The following KSR2 variants were observed in gnomAD, a reference collection of about 807,000 sequenced individuals.
The protein encoded by KSR2 is kinase suppressor of ras 2.
KSR2 carries 25 observed loss-of-function variants against 107.8 expected under a neutral mutation model. That is an observed-to-expected ratio of 0.23 (90% CI 0.17 to 0.32). The LOEUF (loss-of-function observed/expected upper bound fraction) is 0.32, where lower values mean the gene tolerates loss of function less well. KSR2 is among the 10% of genes least tolerant of loss of function. The pLI, the probability that KSR2 is intolerant of heterozygous loss-of-function variation, is 1.00. For synonymous variants in KSR2, 480 were observed against 507.0 expected (o/e 0.95, Z 0.71); for missense variants, 887 against 1,268.9 (o/e 0.70, Z 4.57).
Position 117,455,028 on chromosome 12 carries a change from GAC to G in KSR2, c.*12169_*12170del, listed in dbSNP as rs1356695317. ...AGAGACAGAGACAGACACAGAGACAGACAGACAGAGAGAGAGAGAGAGAGAGA... is the reference window on the plus strand; with the variant it reads ...AGAGACAGAGACAGACACAGAGACAGAGACAGAGAGAGAGAGAGAGAGAGA... On this transcript the variant is annotated 3_prime_UTR_variant, in exon 20 of 20. Transcript: ENST00000339824. 48 of 114,026 alleles carry G rather than the reference GAC, an allele frequency of 4.2e-4. No individual in the cohort carries two copies. Among genetic ancestry groups the G allele is most frequent in the African/African-American group, 1.4e-3 (44 of 30,546 alleles). 7.1% of individuals were successfully genotyped at this position (114,026 alleles called of 1,614,324 possible).
At chr12:117,591,477 G>A (rs913773329) in intron 5 of KSR2, among the ~76,000 whole-genome samples, 5 of 152,106 alleles carry the variant, frequency 3.3e-5, no homozygotes, top group Non-Finnish European at 7.3e-5. Context: ...TGGTGGTGGT[G>A]ACGGATGAGA....
At chr12:117,759,778 G>C (rs552155319) in intron 4 of KSR2, among the ~76,000 whole-genome samples, 1 of 152,208 alleles carries the variant, frequency 6.6e-6, no homozygotes, top group Non-Finnish European at 1.5e-5. Flanking sequence ...TTAGCATGCT[G>C]TCTTCAAGGT....
At chr12:117,930,137 G>A (rs888097337) in intron 1 of KSR2, among the ~76,000 whole-genome samples, 18 of 151,922 alleles carry the variant, frequency 1.2e-4, no homozygotes, top group African/African-American at 4.1e-4. Flanking sequence ...AGCTTCAAGC[G>A]ATTCTTGTGC....
intron 7 of KSR2, among the ~76,000 whole-genome samples, chr12:117,570,664 A>C (rs16947737): frequency 0.01 from 1,541 of 152,352 alleles, 15 homozygotes; most frequent in African/African-American, 0.03. Context: ...GCAACGAAAT[A>C]AATGCTGAAC....
At chr12:117,930,784 C>T (rs1202400426) in intron 1 of KSR2, among the ~76,000 whole-genome samples, 9 of 152,016 alleles carry the variant, frequency 5.9e-5, no homozygotes, top group African/African-American at 2.2e-4. Flanking sequence ...CGTGGTGGCA[C>T]GTGCCTGTAG....
At chr12:117,546,773 A>G (rs1876899318) in intron 9 of KSR2, among the ~76,000 whole-genome samples, 1 of 152,134 alleles carries the variant, frequency 6.6e-6, no homozygotes, top group African/African-American at 2.4e-5. Context: ...TGAATTTTTT[A>G]TCTGGTTATT....
chr12:117,529,766 G>T (rs1875479813), intron 12 of KSR2, among the ~76,000 whole-genome samples: 1 of 152,072 alleles, frequency 6.6e-6, no homozygotes, highest in Admixed American at 6.5e-5. Flanking sequence ...ACTTTGGGAG[G>T]CTGAGGTGGA....
At chr12:117,736,119 G>A (rs1887927302) in intron 4 of KSR2, among the ~76,000 whole-genome samples, 1 of 152,154 alleles carries the variant, frequency 6.6e-6, no homozygotes, top group Non-Finnish European at 1.5e-5. Flanking sequence ...GTCAAAATAA[G>A]TACTGAAATT....
chr12:117,503,471 C>T (rs1873502162), intron 14 of KSR2, among the ~76,000 whole-genome samples: 2 of 152,130 alleles, frequency 1.3e-5, no homozygotes, highest in African/African-American at 4.8e-5. Context: ...TGCTCAATCC[C>T]CACTTTCTTT....
intron 4 of KSR2, among the ~76,000 whole-genome samples, chr12:117,687,356 G>C (rs1011863067): frequency 2.0e-5 from 3 of 152,168 alleles, no homozygotes; most frequent in African/African-American, 7.2e-5. Context: ...AGGAAACAAA[G>C]TCTGAATCTC....
At chr12:117,527,950 AGTGTGTGTGTGT>A (rs10664320) in intron 12 of KSR2, among the ~76,000 whole-genome samples, 1,635 of 142,644 alleles carry the variant, frequency 0.011, 19 homozygotes, top group East Asian at 0.046. Context: ...GGAAGACACA[AGTGTGTGTGTGT>A]GTGTGTGTGT....
chr12:117,967,568 A>G (rs889273755), intron 1 of KSR2, among the ~76,000 whole-genome samples: 1 of 151,834 alleles, frequency 6.6e-6, no homozygotes, highest in African/African-American at 2.4e-5. Context: ...GAGGGAGGGG[A>G]AGAAGGCCAA....
At chr12:117,841,943 T>C (rs186476765) in intron 3 of KSR2, among the ~76,000 whole-genome samples, 262 of 152,390 alleles carry the variant, frequency 1.7e-3, no homozygotes, top group African/African-American at 6.1e-3. Context: ...GCTGCTGTTA[T>C]CATCAACCAC....
chr12:117,587,136 T>C (rs1880052634), intron 5 of KSR2, among the ~76,000 whole-genome samples: 1 of 152,140 alleles, frequency 6.6e-6, no homozygotes, highest in Admixed American at 6.5e-5. Flanking sequence ...AGTGATGTAA[T>C]AGCATAATGC....
At chr12:117,916,870 C>T (rs1376448290) in intron 1 of KSR2, among the ~76,000 whole-genome samples, 2 of 152,172 alleles carry the variant, frequency 1.3e-5, no homozygotes, top group Non-Finnish European at 2.9e-5. Flanking sequence ...ACTGGTTTTG[C>T]AAAATAGATC....
chr12:117,868,930 C>G (rs1013694588), intron 1 of KSR2, among the ~76,000 whole-genome samples: 1 of 151,780 alleles, frequency 6.6e-6, no homozygotes, highest in African/African-American at 2.4e-5. Flanking sequence ...TTTGTATTTT[C>G]AGTAGAGATG....
intron 1 of KSR2, among the ~76,000 whole-genome samples, chr12:117,885,596 A>T (rs1359318385): frequency 6.6e-6 from 1 of 151,452 alleles, no homozygotes; most frequent in Non-Finnish European, 1.5e-5. Context: ...GTGCATGCTT[A>T]TATACCTATA....
intron 3 of KSR2, among the ~76,000 whole-genome samples, chr12:117,771,832 C>A (rs1278143385): frequency 2.6e-5 from 4 of 151,984 alleles, no homozygotes; most frequent in Non-Finnish European, 5.9e-5. Flanking sequence ...GCCTACAGTT[C>A]CCCCAAAGAC....
chr12:117,506,172 A>G (rs1873663929), intron 14 of KSR2, among the ~76,000 whole-genome samples: 1 of 152,216 alleles, frequency 6.6e-6, no homozygotes, highest in African/African-American at 2.4e-5. Context: ...ACCACTAAGA[A>G]AGAATCTTCA....
Sources: allele counts gnomAD v4.1 joint callset (sites outside exome capture counted in the v4.1 genomes callset), GRCh38; gene constraint gnomAD v4.1.1; transcripts MANE v1.5; gene names NCBI Gene and HGNC (gene_info 2026-07-23, HGNC 2026-07-21).